GPC6: variants seen among roughly 807,000 people sequenced by gnomAD.
The protein encoded by GPC6 is glypican 6.
Under a neutral mutation model 55.2 loss-of-function variants are expected in GPC6, and 14 were observed. That is an observed-to-expected ratio of 0.25 (90% CI 0.17 to 0.40). GPC6 has a LOEUF of 0.40. GPC6 is among the 10% of genes least tolerant of loss of function. The pLI, the probability that GPC6 is intolerant of heterozygous loss-of-function variation, is 1.00. For missense variants in GPC6, 641 were observed against 708.5 expected (o/e 0.90, Z 1.08); for synonymous variants, 278 against 259.6 (o/e 1.07, Z -0.68).
At chr13:94,342,791 G>C (rs1878108554) in intron 6 of GPC6, among the ~76,000 whole-genome samples, 1 of 152,072 alleles carries the variant, frequency 6.6e-6, no homozygotes, top group South Asian at 2.1e-4. Flanking sequence ...GGGGTCCCTT[G>C]TGCTTCTCCC....
At chr13:93,784,768 G>T (rs1195629304) in intron 2 of GPC6, among the ~76,000 whole-genome samples, 1 of 152,114 alleles carries the variant, frequency 6.6e-6, no homozygotes, top group Non-Finnish European at 1.5e-5. Context: ...TCCAATCAAT[G>T]ATTATTTTTC....
chr13:93,519,094 A>G (rs1320768295), intron 1 of GPC6, among the ~76,000 whole-genome samples: 1 of 152,050 alleles, frequency 6.6e-6, no homozygotes, highest in Non-Finnish European at 1.5e-5. Context: ...TTAAAAGCCT[A>G]AAGTATTTTT....
chr13:93,435,144 T>A (rs951921550), intron 1 of GPC6, among the ~76,000 whole-genome samples: 3 of 151,698 alleles, frequency 2.0e-5, no homozygotes, highest in Non-Finnish European at 4.4e-5. Context: ...AGACATGGTC[T>A]CACTCTTTCA....
intron 4 of GPC6, among the ~76,000 whole-genome samples, chr13:94,095,353 G>T (rs1885622006): frequency 6.6e-6 from 1 of 152,078 alleles, no homozygotes; most frequent in African/African-American, 2.4e-5. Context: ...ATGGGAAGCA[G>T]TAATGCAAAT....
At chr13:94,076,483 TTGATGTAGTTCCACTCCA>T (rs1233752045) in intron 4 of GPC6, among the ~76,000 whole-genome samples, 4 of 151,996 alleles carry the variant, frequency 2.6e-5, no homozygotes, top group African/African-American at 9.7e-5. Flanking sequence ...AACTTTTAGT[TTGATGTAGTTCCACTCCA>T]TTTTTGCTCT....
intron 4 of GPC6, among the ~76,000 whole-genome samples, chr13:94,118,987 A>C (rs569719244): frequency 1.1e-5 from 1 of 88,162 alleles, no homozygotes; most frequent in South Asian, 5.5e-4. Context: ...GCCTGTATAT[A>C]CATTATGTAT....
chr13:93,856,334 A>C (rs1268990871), intron 3 of GPC6, among the ~76,000 whole-genome samples: 9 of 151,606 alleles, frequency 5.9e-5, no homozygotes, highest in African/African-American at 1.9e-4. Context: ...AGGATGTCCA[A>C]AGAATGTTTA....
intron 4 of GPC6, among the ~76,000 whole-genome samples, chr13:94,285,595 C>G (rs535849758): frequency 1.3e-5 from 2 of 152,290 alleles, no homozygotes; most frequent in South Asian, 4.1e-4. Context: ...CCTTATGATC[C>G]AACCTTAAAA....
At chr13:93,371,791 A>G (rs980625355) in intron 1 of GPC6, among the ~76,000 whole-genome samples, 1 of 152,082 alleles carries the variant, frequency 6.6e-6, no homozygotes, top group Non-Finnish European at 1.5e-5. Flanking sequence ...AAAAAAAACA[A>G]AAGCTAATGG....
In GPC6 at chr13:93,231,360, CGTATAT is replaced by C. The variant is rs1473952163; in HGVS notation, c.160+3745_160+3750del. 1.0e-2 allele frequency among the ~76,000 whole-genome samples: 147 copies of C among 14,766 alleles called. 2 individuals are homozygous for C. The highest frequency in any genetic ancestry group is 0.035 in the African/African-American group (139 of 3,928). 9.7% of individuals were successfully genotyped at this position (14,766 alleles called of 152,430 possible). A position where few individuals can be genotyped will look rare whatever the true frequency, so the allele number is the denominator to read the frequency against. ...ATATATATATACATATATATATATA[CGTATAT>C]ATATATATATATACATATATATATA... On this transcript the variant is annotated intron_variant, in intron 1 of 8. Coordinates refer to ENST00000377047, the MANE Select transcript of GPC6 (RefSeq NM_005708.5).
chr13:93,798,777 G>A (rs1886279517), intron 2 of GPC6, among the ~76,000 whole-genome samples: 1 of 151,846 alleles, frequency 6.6e-6, no homozygotes, highest in Admixed American at 6.6e-5. Context: ...AAATTAGCAG[G>A]GCATGGTGGT....
chr13:94,228,797 TAA>T (rs34427487), intron 4 of GPC6, among the ~76,000 whole-genome samples: 6 of 145,336 alleles, frequency 4.1e-5, no homozygotes, highest in Non-Finnish European at 6.0e-5. Context: ...CTCTTTGGTT[TAA>T]AAAAAAAAAA....
At chr13:93,219,098 T>A in the GPC6 span, among the ~76,000 whole-genome samples, 2 of 150,888 alleles carry the variant, frequency 1.3e-5, no homozygotes, top group Non-Finnish European at 3.0e-5. Context: ...CTATTTTTTT[T>A]TTTTTTTCTT....
intron 5 of GPC6, among the ~76,000 whole-genome samples, chr13:94,300,394 A>G (rs118077832): frequency 0.016 from 2,443 of 152,326 alleles, 29 homozygotes; most frequent in East Asian, 0.035. Context: ...ACTTGTATTT[A>G]GAAACCTAAG....
intron 2 of GPC6, among the ~76,000 whole-genome samples, chr13:93,783,852 T>C (rs1885736856): frequency 6.6e-6 from 1 of 152,206 alleles, no homozygotes; most frequent in Non-Finnish European, 1.5e-5. Flanking sequence ...TTGCTGTTTA[T>C]GTGAAAGTCA....
chr13:93,380,561 T>C (rs1875120271), intron 1 of GPC6, among the ~76,000 whole-genome samples: 1 of 152,164 alleles, frequency 6.6e-6, no homozygotes, highest in Non-Finnish European at 1.5e-5. Flanking sequence ...GTTGAATGTT[T>C]AGAAAGAGCA....
intron 1 of GPC6, among the ~76,000 whole-genome samples, chr13:93,491,652 A>T (rs1880010300): frequency 6.9e-6 from 1 of 143,936 alleles, no homozygotes; most frequent in African/African-American, 2.6e-5. Context: ...TTATGGTTTT[A>T]GGTCTAATGT....
At chr13:93,947,815 A>G (rs1054751204) in intron 3 of GPC6, among the ~76,000 whole-genome samples, 2 of 151,948 alleles carry the variant, frequency 1.3e-5, no homozygotes, top group Admixed American at 6.6e-5. Context: ...AAACCTTGAT[A>G]AATTCTTTTG....
intron 4 of GPC6, among the ~76,000 whole-genome samples, chr13:94,132,135 G>A (rs185672923): frequency 2.9e-4 from 44 of 152,224 alleles, no homozygotes; most frequent in East Asian, 1.7e-3. Flanking sequence ...GGTTTTTCAC[G>A]TAGGGTGTTA....
Sources: gnomAD v4.1 joint callset for allele counts (sites outside exome capture counted in the v4.1 genomes callset) on GRCh38, gnomAD v4.1.1 for gene constraint, MANE v1.5 for transcripts, NCBI Gene and HGNC (gene_info 2026-07-23, HGNC 2026-07-21) for gene names.